Variants in KLF12 observed in about 807,000 individuals in gnomAD.
The protein encoded by KLF12 is Krueppel-like factor 12.
A neutral mutation model predicts 37.8 loss-of-function variants in KLF12; 9 were observed. That is an observed-to-expected ratio of 0.24 (90% CI 0.14 to 0.42). The LOEUF is 0.42. Ranked by LOEUF, KLF12 falls within the 10% of genes least tolerant of loss-of-function variation. The probability of loss-of-function intolerance (pLI) is 1.00; values close to 1 mark genes in which losing one functional copy is unlikely to be tolerated. For synonymous variants in KLF12, 208 were observed against 202.1 expected (o/e 1.03, Z -0.25); for missense variants, 411 against 516.0 (o/e 0.80, Z 1.97).
intron 5 of KLF12, among the ~76,000 whole-genome samples, chr13:73,782,978 C>T (rs1881067476): frequency 6.6e-6 from 1 of 152,152 alleles, no homozygotes; most frequent in African/African-American, 2.4e-5. Context: ...AGAGCAGAGA[C>T]CTTGAAATTC....
intron 5 of KLF12, among the ~76,000 whole-genome samples, chr13:73,808,585 TAACA>T (rs1882769653): frequency 6.6e-6 from 1 of 152,190 alleles, no homozygotes; most frequent in African/African-American, 2.4e-5. Context: ...GTATCTTGGT[TAACA>T]ATTTCTGCAT....
chr13:73,877,254 A>C (rs535265915), intron 3 of KLF12, among the ~76,000 whole-genome samples: 2 of 152,340 alleles, frequency 1.3e-5, no homozygotes, highest in East Asian at 3.9e-4. Context: ...CTATCATTGT[A>C]TAAAAATCCT....
At chr13:74,247,362 A>T in the KLF12 span, among the ~76,000 whole-genome samples, 1 of 152,168 alleles carries the variant, frequency 6.6e-6, no homozygotes, top group Non-Finnish European at 1.5e-5. Flanking sequence ...CTTTGAAAAA[A>T]ATACCAGCCA....
At chr13:73,717,448 C>A (rs1875899625) in intron 6 of KLF12, among the ~76,000 whole-genome samples, 1 of 152,182 alleles carries the variant, frequency 6.6e-6, no homozygotes, top group South Asian at 2.1e-4. Flanking sequence ...ATATAGACTA[C>A]TTGTAATTTG....
chr13:73,738,210 T>C (rs893324817), intron 6 of KLF12, among the ~76,000 whole-genome samples: 4 of 150,190 alleles, frequency 2.7e-5, no homozygotes, highest in Non-Finnish European at 5.9e-5. Context: ...AGTGGCCTGA[T>C]CTCAGCTCAC....
the KLF12 span, among the ~76,000 whole-genome samples, chr13:74,145,175 G>A: frequency 6.6e-6 from 1 of 152,104 alleles, no homozygotes; most frequent in Non-Finnish European, 1.5e-5. Flanking sequence ...TATAATGAAG[G>A]TAACTAGACA....
At chr13:73,963,373 C>T (rs1328518253) in intron 2 of KLF12, among the ~76,000 whole-genome samples, 1 of 151,674 alleles carries the variant, frequency 6.6e-6, no homozygotes, top group African/African-American at 2.4e-5. Context: ...CACACACACT[C>T]GGAATTATTT....
At chr13:74,180,806 A>G in the KLF12 span, among the ~76,000 whole-genome samples, 2 of 152,186 alleles carry the variant, frequency 1.3e-5, no homozygotes, top group African/African-American at 4.8e-5. Context: ...ATCAGAAATT[A>G]TGCTTCCTGA....
chr13:74,203,358 G>A, the KLF12 span, among the ~76,000 whole-genome samples: 1 of 152,088 alleles, frequency 6.6e-6, no homozygotes, highest in South Asian at 2.1e-4. Context: ...GGCAAATTGA[G>A]CTTTGGAGGG....
At chr13:73,830,283 ATAT>A (rs1318437936) in intron 4 of KLF12, among the ~76,000 whole-genome samples, 1 of 142,442 alleles carries the variant, frequency 7.0e-6, no homozygotes, top group Non-Finnish European at 1.6e-5. Flanking sequence ...TTCCTATGAC[ATAT>A]CATGATACCA....
intron 5 of KLF12, among the ~76,000 whole-genome samples, chr13:73,785,464 T>C (rs541569516): frequency 4.6e-4 from 70 of 152,278 alleles, no homozygotes; most frequent in Non-Finnish European, 8.1e-4. Flanking sequence ...GGTAGCCTTC[T>C]ACCCAAAGTT....
chr13:74,042,558 G>A (rs1160337991), intron 1 of KLF12, among the ~76,000 whole-genome samples: 1 of 151,984 alleles, frequency 6.6e-6, no homozygotes, highest in Non-Finnish European at 1.5e-5. Context: ...CCTTGATTGA[G>A]CTGTGTTGAA....
intron 2 of KLF12, chr13:73,961,981 C>T (rs1455451985): frequency 2.2e-6 from 1 of 455,374 alleles, no homozygotes; most frequent in South Asian, 1.6e-5. Context: ...CACACTGTCA[C>T]TGTCTTTGGA....
intron 1 of KLF12, among the ~76,000 whole-genome samples, chr13:74,047,152 T>G (rs1409943395): frequency 6.6e-6 from 1 of 152,080 alleles, no homozygotes; most frequent in Non-Finnish European, 1.5e-5. Flanking sequence ...TCTACATGCT[T>G]GGGTAAGGAT....
At chr13:73,724,784 A>G (rs1876535704) in intron 6 of KLF12, among the ~76,000 whole-genome samples, 1 of 152,200 alleles carries the variant, frequency 6.6e-6, no homozygotes, top group Admixed American at 6.5e-5. Flanking sequence ...CGAAGCTCAC[A>G]CAGCTAAACA....
intron 2 of KLF12, among the ~76,000 whole-genome samples, chr13:73,986,275 A>AT (rs1349347536): frequency 9.2e-5 from 14 of 152,152 alleles, no homozygotes; most frequent in South Asian, 4.1e-4. Context: ...TATTTATTAG[A>AT]TTTTTTATAA....
intron 5 of KLF12, among the ~76,000 whole-genome samples, chr13:73,803,199 T>C (rs1882374675): frequency 6.6e-6 from 1 of 152,240 alleles, no homozygotes; most frequent in African/African-American, 2.4e-5. Context: ...AGGGATTTGA[T>C]GCTAGACTAT....
intron 5 of KLF12, among the ~76,000 whole-genome samples, chr13:73,807,308 TAA>T (rs35042393): frequency 6.9e-6 from 1 of 145,540 alleles, no homozygotes. Context: ...AAATTCCATC[TAA>T]AAAAAAAAAA....
At chr13:74,088,132 G>A (rs919087630) in intron 1 of KLF12, among the ~76,000 whole-genome samples, 1 of 151,998 alleles carries the variant, frequency 6.6e-6, no homozygotes, top group African/African-American at 2.4e-5. Flanking sequence ...CACAAACCAT[G>A]GTGAGCTTGG....
Sources: gnomAD v4.1 joint callset for allele counts (sites outside exome capture counted in the v4.1 genomes callset) on GRCh38, gnomAD v4.1.1 for gene constraint, MANE v1.5 for transcripts, NCBI Gene and HGNC (gene_info 2026-07-23, HGNC 2026-07-21) for gene names.